NALCN: variants seen among roughly 807,000 people sequenced by gnomAD.
The protein encoded by NALCN is sodium leak channel NALCN.
A neutral mutation model predicts 225.3 loss-of-function variants in NALCN; 111 were observed. The ratio of observed to expected loss-of-function variants is 0.49; its 90% CI spans 0.42 to 0.58. The LOEUF is 0.58. NALCN is among the 20% of genes least tolerant of loss of function. NALCN has a pLI of 0.00. For missense variants in NALCN, 1,378 were observed against 2,202.4 expected (o/e 0.63, Z 7.49); for synonymous variants, 764 against 769.0 (o/e 0.99, Z 0.11).
intron 3 of NALCN, among the ~76,000 whole-genome samples, chr13:101,391,451 G>A (rs1421322881): frequency 1.3e-5 from 2 of 152,070 alleles, no homozygotes; most frequent in Non-Finnish European, 1.5e-5. Flanking sequence ...GGGAGGCCGA[G>A]GTGGGAGGAT....
At chr13:101,352,043 G>T (rs1196630011) in intron 6 of NALCN, among the ~76,000 whole-genome samples, 1 of 152,078 alleles carries the variant, frequency 6.6e-6, no homozygotes. Context: ...TCGTAGGGGG[G>T]CACTTAATTG....
chr13:101,224,967 C>G (rs960423623), intron 13 of NALCN, among the ~76,000 whole-genome samples: 1 of 152,162 alleles, frequency 6.6e-6, no homozygotes, highest in Non-Finnish European at 1.5e-5. Flanking sequence ...CCAAGTATCA[C>G]CTGAAACAAA....
At chr13:101,373,315 G>GC (rs2046594490) in intron 6 of NALCN, among the ~76,000 whole-genome samples, 1 of 152,086 alleles carries the variant, frequency 6.6e-6, no homozygotes, top group Non-Finnish European at 1.5e-5. Flanking sequence ...TATGAGGACA[G>GC]CATTACCCGG....
chr13:101,405,959 C>T (rs1261323153), intron 1 of NALCN, among the ~76,000 whole-genome samples: 1 of 151,984 alleles, frequency 6.6e-6, no homozygotes, highest in African/African-American at 2.4e-5. Context: ...CATGCAAAAA[C>T]AGAGTCCTTC....
chr13:101,397,117 C>CACAT (rs2047329523), intron 2 of NALCN, among the ~76,000 whole-genome samples: 1 of 49,136 alleles, frequency 2.0e-5, no homozygotes, highest in Non-Finnish European at 3.2e-5. Flanking sequence ...TATACATACA[C>CACAT]ATACATATAT....
At chr13:101,056,869 C>A (rs1026878138) in intron 43 of NALCN, 1 of 152,190 alleles carries the variant, frequency 6.6e-6, no homozygotes, top group African/African-American at 2.4e-5. Flanking sequence ...TAAAATTGAA[C>A]CGACTCAGCT....
chr13:101,337,312 A>ATTTT (rs1347371510), intron 7 of NALCN, among the ~76,000 whole-genome samples: 27 of 147,226 alleles, frequency 1.8e-4, no homozygotes, highest in African/African-American at 7.1e-4. Context: ...TTATTTATTT[A>ATTTT]TTTATTTATT....
At chr13:101,363,685 G>A (rs891416507) in intron 6 of NALCN, among the ~76,000 whole-genome samples, 2 of 151,922 alleles carry the variant, frequency 1.3e-5, no homozygotes, top group African/African-American at 4.8e-5. Context: ...AATTTTTGGG[G>A]GGACAAAATC....
At chr13:101,368,273 G>T (rs1303432115) in intron 6 of NALCN, among the ~76,000 whole-genome samples, 1 of 150,896 alleles carries the variant, frequency 6.6e-6, no homozygotes, top group East Asian at 2.0e-4. Context: ...TTGTTCTTGC[G>T]ATAGTTTACT....
intron 15 of NALCN, among the ~76,000 whole-genome samples, chr13:101,145,991 G>A (rs1265737361): frequency 6.6e-6 from 1 of 152,176 alleles, no homozygotes; most frequent in African/African-American, 2.4e-5. Context: ...TTTTAAAACA[G>A]GAAGAGAGAT....
chr13:101,319,805 T>C (rs557489247), intron 7 of NALCN, among the ~76,000 whole-genome samples: 11 of 144,836 alleles, frequency 7.6e-5, no homozygotes, highest in Non-Finnish European at 1.7e-4. Flanking sequence ...AGGAAATATA[T>C]CAAATTATCA....
At chr13:101,109,498 A>G (rs1025972145) in intron 20 of NALCN, among the ~76,000 whole-genome samples, 6 of 152,230 alleles carry the variant, frequency 3.9e-5, no homozygotes, top group Non-Finnish European at 7.3e-5. Context: ...AGCTCAAGAA[A>G]TAAGAGATAA....
chr13:101,179,897 G>C (rs765412120), intron 14 of NALCN, among the ~76,000 whole-genome samples: 2 of 152,262 alleles, frequency 1.3e-5, no homozygotes, highest in Non-Finnish European at 2.9e-5. Context: ...GTCTCTTCCA[G>C]CTGCTGGTGG....
In NALCN at chr13:101,314,887, A is replaced by G. The variant is rs368689547; in HGVS notation, c.800-22521T>C. 5.9e-5 allele frequency among the ~76,000 whole-genome samples: 9 copies of G among 152,286 alleles called. 1 individual carries two copies. Among genetic ancestry groups the G allele is most frequent in the Admixed American group, 3.3e-4 (5 of 15,294 alleles). On this transcript the variant is annotated intron_variant, in intron 7 of 43. Coordinates refer to ENST00000251127, the MANE Select transcript of NALCN (RefSeq NM_052867.4). ...TGTTGACTTGCCTGTACTTAAGTTC[A>G]TACCTGAGAGTGTACTTGTTAGTTG...
At chr13:101,200,481 A>G (rs2040071600) in intron 13 of NALCN, among the ~76,000 whole-genome samples, 1 of 152,186 alleles carries the variant, frequency 6.6e-6, no homozygotes, top group Non-Finnish European at 1.5e-5. Context: ...TTTTCCGGTT[A>G]TAAGTTGAGA....
At chr13:101,078,612 C>T (rs1040946498) in intron 34 of NALCN, among the ~76,000 whole-genome samples, 1 of 152,136 alleles carries the variant, frequency 6.6e-6, no homozygotes, top group African/African-American at 2.4e-5. Flanking sequence ...ATGCCTGTAC[C>T]CCCATTGTAT....
chr13:101,224,137 T>C (rs1188408828), intron 13 of NALCN, among the ~76,000 whole-genome samples: 1 of 152,156 alleles, frequency 6.6e-6, no homozygotes, highest in Non-Finnish European at 1.5e-5. Context: ...CAACCAAATC[T>C]AAAACCCCTT....
chr13:101,299,359 A>G (rs1367366159), intron 7 of NALCN, among the ~76,000 whole-genome samples: 1 of 152,226 alleles, frequency 6.6e-6, no homozygotes, highest in African/African-American at 2.4e-5. Context: ...ATAGTGCAAA[A>G]TGTTCCCAAA....
chr13:101,346,152 G>A (rs1172387986), intron 6 of NALCN, among the ~76,000 whole-genome samples: 1 of 132,010 alleles, frequency 7.6e-6, no homozygotes, highest in African/African-American at 2.9e-5. Flanking sequence ...TCTGAATATA[G>A]TTTTAAGATT....
Sources: allele counts gnomAD v4.1 joint callset (sites outside exome capture counted in the v4.1 genomes callset), GRCh38; gene constraint gnomAD v4.1.1; transcripts MANE v1.5; gene names NCBI Gene and HGNC (gene_info 2026-07-23, HGNC 2026-07-21).